The following FLII variants were observed in gnomAD, a reference collection of about 807,000 sequenced individuals.
FLII encodes FLII actin remodeling protein, also known as protein flightless-1 homolog.
A neutral mutation model predicts 156.2 loss-of-function variants in FLII; 101 were observed. The observed-to-expected ratio is 0.65, with a 90% CI of 0.55 to 0.76. The LOEUF is 0.76. Ranked by LOEUF, FLII falls within the 30% of genes least tolerant of loss-of-function variation. The pLI is 0.00. For synonymous variants in FLII, 767 were observed against 685.8 expected, an observed-to-expected ratio of 1.12 and a Z score of -1.85; for missense variants, 1,675 against 1,682.8, an observed-to-expected ratio of 1.00 and a Z score of 0.08.
rs754988195 is a variant in FLII at position 18,245,650 on chromosome 17, C to T, written c.3514G>A (p.Glu1172Lys). ...KHTRLFRCSN[E>K]KGYFAVTEKC... ...TCAGTCACTGCAAAGTAGCCCTTCT[C>T]GTTGGAGCACCTGGGAATCAAGGGT... Residue 1172 changes from glutamate (E) to lysine (K), a missense_variant, in exon 28 of 30, where the codon GAG becomes AAG. Transcript: ENST00000327031. The T allele has an allele frequency of 6.8e-6, 11 of 1,613,672 alleles. No individual in the cohort carries two copies. Among genetic ancestry groups the T allele is most frequent in the Non-Finnish European group, 8.5e-6 (10 of 1,179,980 alleles).
intron 4 of FLII, 52 bp from the exon 5 acceptor site, chr17:18,254,906 G>A (rs747989316): frequency 2.7e-5 from 42 of 1,578,036 alleles, no homozygotes; most frequent in South Asian, 1.0e-4. Flanking sequence ...CCCACCAGGC[G>A]TCTGCCAAGC....
At position 18,246,685 on chromosome 17, in the gene FLII, C is replaced by T. The variant is rs766497862; in HGVS notation, c.2960G>A (p.Trp987Ter). 3.7e-6 allele frequency: 6 copies of T among 1,613,642 alleles called. No homozygotes were observed. Among genetic ancestry groups the T allele is most frequent in the Non-Finnish European group, 5.1e-6 (6 of 1,179,864 alleles). The change falls in exon 23 of 30, where the codon TGG (tryptophan) becomes TAG (stop). Residue 987 changes from tryptophan to a stop codon, truncating the protein, a stop_gained. Coordinates refer to ENST00000327031, the MANE Select transcript of FLII (RefSeq NM_002018.4). LOFTEE classifies it high-confidence loss of function. ...CATATTGGAGGCTTCACGGCCCTGC[C>T]AGAAGTACACGATGCACTGGAAGTC... ...EEDFQCIVYF[W>*]QGREASNMGW...
chr17:18,252,334 G>A lies in FLII; in HGVS notation c.1098+138C>T, dbSNP rs531185678. 7 of 908,974 alleles carry A rather than the reference G, an allele frequency of 7.7e-6. No individual in the cohort carries two copies. The East Asian group carries it at 1.5e-4, about 20-fold the overall frequency. The allele number at this position is 908,974 out of a possible 1,614,324, so 56.3% of individuals were successfully genotyped here. Reference sequence around the variant, plus strand: ...CTGTGGAATGTACTCTGGATGCAGGGAGGTGGGGCCCACCTTCTCCCCACG... The same window carrying A: ...CTGTGGAATGTACTCTGGATGCAGGAAGGTGGGGCCCACCTTCTCCCCACG... On this transcript the variant is annotated intron_variant, in intron 10 of 29. Coordinates refer to ENST00000327031, the MANE Select transcript of FLII (RefSeq NM_002018.4).
Position 18,250,930 on chromosome 17 carries a change from C to T in FLII, c.1684G>A (p.Ala562Thr), listed in dbSNP as rs1226702154. ...TTGCGCAAGTTGACAGCGTGGATGG[C>T]AGAGCAAGCTTTCTTGTCGAGTGTG... is the stretch of plus-strand genomic sequence containing the variant. The part of the protein sequence containing the change: ...EATLDKKACS[A>T]IHAVNLRNYL... The change falls in exon 14 of 30, where the codon GCC (alanine) becomes ACC (threonine). Residue 562 changes from alanine (A) to threonine (T), a missense_variant. Transcript: ENST00000327031. The T allele has an allele frequency of 6.2e-7, 1 of 1,613,924 alleles. No homozygotes were observed. Among genetic ancestry groups the T allele is most frequent in the African/African-American group, 1.3e-5 (1 of 74,944 alleles).
intron 28 of FLII, 52 bp downstream of exon 28, chr17:18,245,503 G>T: frequency 6.2e-7 from 1 of 1,611,424 alleles, no homozygotes; most frequent in Non-Finnish European, 8.5e-7. Flanking sequence ...CCATTTGTAA[G>T]TAAGTCTATG....
chr17:18,258,570 G>C lies in FLII; in HGVS notation c.63+58C>G. ...GCGGGACAGGAAGCGGAGGCCAAGC[G>C]GGCCGGGCGGAAGAGAAGGCCTGCA... is the stretch of plus-strand genomic sequence containing the variant. On this transcript the variant is annotated intron_variant, in intron 1 of 29. Transcript: ENST00000327031. This position sits in a 1 kb window ranked among gnomAD's most constrained non-coding sequence, Gnocchi z 4.2. 2.0e-6 allele frequency: 3 copies of C among 1,525,138 alleles called. No homozygotes were observed. Among genetic ancestry groups the C allele is most frequent in the East Asian group, 2.6e-5 (1 of 39,082 alleles). 94.5% of individuals were successfully genotyped at this position (1,525,138 alleles called of 1,614,324 possible).
intron 14 of FLII, among the ~76,000 whole-genome samples, chr17:18,250,603 G>A (rs73289913): frequency 0.033 from 5,078 of 152,178 alleles, 243 homozygotes; most frequent in African/African-American, 0.11. Flanking sequence ...ATCCTTGCCC[G>A]GCTGAATTCT....
intron 11 of FLII, 72 bp from the exon 12 acceptor site, chr17:18,251,888 C>T: frequency 1.2e-6 from 2 of 1,606,976 alleles, no homozygotes; most frequent in African/African-American, 2.7e-5. Flanking sequence ...CAACCAGGGG[C>T]CAACTCCACC....
chr17:18,245,560 G>T lies in FLII; in HGVS notation c.3604C>A (p.Gln1202Lys). 1 of 1,613,614 alleles carries T rather than the reference G, an allele frequency of 6.2e-7. No homozygotes were observed. Among genetic ancestry groups the T allele is most frequent in the Non-Finnish European group, 8.5e-7 (1 of 1,179,790 alleles). Residue 1202 changes from glutamine to lysine, a missense_variant, in exon 28 of 30, where the codon CAA becomes AAA. This residue lies in a region of FLII where 1,332 missense variants were observed against 1,269.3 expected (regional missense o/e 1.05). Transcript: ENST00000327031. ...GGCTAGTGGCAACATCACACCTCTT[G>T]GCCATTGTCTAGCAACATGATGTCA... The part of the protein sequence containing the change: ...DDDIMLLDNG[Q>K]EVYMWVGTQT...
At chr17:18,249,284 C>A (rs776425345) in intron 15 of FLII, 42 bp downstream of exon 15, 2 of 1,611,078 alleles carry the variant, frequency 1.2e-6, no homozygotes, top group East Asian at 2.2e-5. Context: ...CCCTTGCCAG[C>A]AGACTCCAGG....
Position 18,245,653 on chromosome 17 carries a change from T to C in FLII, c.3511A>G (p.Asn1171Asp). 6.2e-7 allele frequency: 1 copy of C among 1,613,852 alleles called. No homozygotes were observed. The highest frequency in any genetic ancestry group is 8.5e-7 in the Non-Finnish European group (1 of 1,179,976). The change falls in exon 28 of 30, where the codon AAC becomes GAC. Residue 1171 changes from asparagine (N) to aspartate (D), a missense_variant. This residue lies in a region of FLII where 1,332 missense variants were observed against 1,269.3 expected (regional missense o/e 1.05). Transcript: ENST00000327031. ...MKHTRLFRCSNEKGYFAVTEK... is the reference protein window; with the variant it reads ...MKHTRLFRCSDEKGYFAVTEK... ...GTCACTGCAAAGTAGCCCTTCTCGT[T>C]GGAGCACCTGGGAATCAAGGGTCAA... is the stretch of plus-strand genomic sequence containing the variant.
rs1420006987 is a variant in FLII at position 18,256,605 on chromosome 17, G to A, written c.175-8C>T. On this transcript the variant is annotated splice_polypyrimidine_tract_variant and splice_region_variant and intron_variant, in intron 2 of 29. Coordinates refer to ENST00000327031, the MANE Select transcript of FLII (RefSeq NM_002018.4). ...GCTCACAGACAAGTGTTCCTGGGCC[G>A]GAATGGGGAGCACAGGCTCAGCAGG... 7 of 1,551,180 alleles carry A rather than the reference G, an allele frequency of 4.5e-6. No individual in the cohort carries two copies. The East Asian group carries it at 1.2e-4, about 27-fold the overall frequency.
At chr17:18,248,078 G>C (rs1164106360) in intron 18 of FLII, 45 bp from the exon 19 acceptor site, 1 of 1,381,912 alleles carries the variant, frequency 7.2e-7, no homozygotes, top group East Asian at 2.3e-5. Flanking sequence ...CTGGAGACAG[G>C]AACCTCACCC....
intron 7 of FLII, 112 bp from the exon 8 acceptor site, chr17:18,253,831 G>T: frequency 8.8e-7 from 1 of 1,135,180 alleles, no homozygotes; most frequent in Non-Finnish European, 1.2e-6. Flanking sequence ...GCTTAGGCAA[G>T]TGACAACTGC....
chr17:18,254,548 C>T lies in FLII; in HGVS notation c.548G>A (p.Gly183Glu). 6.2e-7 allele frequency: 1 copy of T among 1,612,862 alleles called. No individual in the cohort carries two copies. Among genetic ancestry groups the T allele is most frequent in the Non-Finnish European group, 8.5e-7 (1 of 1,179,742 alleles). Reference protein sequence around the residue: ...LVHLQTLVLNGNPLLHAQLRQ... With the variant: ...LVHLQTLVLNENPLLHAQLRQ... ...GAGCTGTGCATGCAGCAGGGGGTTT[C>T]CATTGAGCACGAGCGTCTGCAGGTG... is the stretch of plus-strand genomic sequence containing the variant. The change falls in exon 6 of 30, where the codon GGA becomes GAA. Residue 183 changes from glycine to glutamate, a missense_variant. Coordinates refer to ENST00000327031, the MANE Select transcript of FLII (RefSeq NM_002018.4).
Position 18,246,779 on chromosome 17 carries a change from C to T in FLII, c.2866G>A (p.Glu956Lys). Residue 956 changes from glutamate (E) to lysine (K), a missense_variant, in exon 23 of 30, where the codon GAG becomes AAG. Physicochemically the swap from Glu to Lys is moderately conservative, Grantham distance 56 (BLOSUM62 1). Coordinates refer to ENST00000327031, the MANE Select transcript of FLII (RefSeq NM_002018.4). ...YEEEEKKEDK[E>K]EKAEGKEGEE... ...CCTTCTTTGCCCTCGGCCTTCTCCT[C>T]CTTGTCTTCCTTCTTTTCCTCCTCC... 6.2e-7 allele frequency: 1 copy of T among 1,613,584 alleles called. No homozygotes were observed. Among genetic ancestry groups the T allele is most frequent in the South Asian group, 1.1e-5 (1 of 91,044 alleles).
At chr17:18,251,563 G>A in intron 12 of FLII, 86 bp from the exon 13 acceptor site, 3 of 1,568,676 alleles carry the variant, frequency 1.9e-6, no homozygotes, top group Non-Finnish European at 2.6e-6. Flanking sequence ...CAGGGCCTTT[G>A]CACAGCTGTT....
rs2048076970 is a variant in FLII at position 18,246,807 on chromosome 17, G to C, written c.2838C>G (p.Tyr946Ter). ...TGTCTTCCTTCTTTTCCTCCTCCTC[G>C]TACTCCACAGGCACCCAGTACCTGC... The part of the protein sequence containing the change: ...FLCRYWVPVE[Y>*]EEEEKKEDKE... The change falls in exon 23 of 30, where the codon TAC becomes TAG. Residue 946 changes from tyrosine to a stop codon, truncating the protein, a stop_gained. Coordinates refer to ENST00000327031, the MANE Select transcript of FLII (RefSeq NM_002018.4). LOFTEE classifies it high-confidence loss of function. 1.2e-6 allele frequency: 2 copies of C among 1,613,626 alleles called. No individual in the cohort carries two copies. Among genetic ancestry groups the C allele is most frequent in the Non-Finnish European group, 8.5e-7 (1 of 1,179,890 alleles).
At chr17:18,250,599 G>A (rs774151447) in intron 14 of FLII, among the ~76,000 whole-genome samples, 10 of 152,074 alleles carry the variant, frequency 6.6e-5, no homozygotes, top group Non-Finnish European at 1.0e-4. Context: ...CCTTATCCTT[G>A]CCCGGCTGAA....
Sources: allele counts gnomAD v4.1 joint callset (sites outside exome capture counted in the v4.1 genomes callset), GRCh38; gene constraint gnomAD v4.1.1; regional missense constraint gnomAD v4.1.1; non-coding constraint Gnocchi (gnomAD v3.1); transcripts MANE v1.5; gene names NCBI Gene and HGNC (gene_info 2026-07-23, HGNC 2026-07-21).